CCDC138: variants seen among roughly 807,000 people sequenced by gnomAD.
CCDC138 encodes coiled-coil domain containing 138, also known as coiled-coil domain-containing protein 138.
CCDC138 carries 66 observed loss-of-function variants against 82.3 expected under a neutral mutation model. The ratio of observed to expected loss-of-function variants is 0.80; its 90% CI spans 0.66 to 0.98. The LOEUF (loss-of-function observed/expected upper bound fraction) is 0.98. Among genes scored for constraint, CCDC138 ranks in the 50% least tolerant of loss-of-function variants. The pLI is 0.00. For missense variants in CCDC138, 816 were observed against 758.9 expected (o/e 1.08, Z -0.88); for synonymous variants, 297 against 265.4 (o/e 1.12, Z -1.16).
At chr2:108,858,662 A>G (rs938977744) in intron 13 of CCDC138, among the ~76,000 whole-genome samples, 2 of 150,564 alleles carry the variant, frequency 1.3e-5, no homozygotes, top group African/African-American at 4.9e-5. Context: ...TTGGAAACCC[A>G]TTTTACCATA....
intron 7 of CCDC138, 38 bp downstream of exon 7, chr2:108,805,046 T>C (rs1682631341): frequency 1.8e-6 from 2 of 1,132,072 alleles, no homozygotes; most frequent in Non-Finnish European, 2.4e-6. Context: ...CATAAGACAT[T>C]CTAAGAAGTA....
At chr2:108,796,924 TTAATGA>T (rs1681013930) in intron 5 of CCDC138, among the ~76,000 whole-genome samples, 3 of 152,174 alleles carry the variant, frequency 2.0e-5, no homozygotes, top group African/African-American at 7.2e-5. Flanking sequence ...GAAATTATAG[TTAATGA>T]TAATTTATTG....
At chr2:108,835,923 G>C (rs933124354) in intron 10 of CCDC138, among the ~76,000 whole-genome samples, 1 of 152,148 alleles carries the variant, frequency 6.6e-6, no homozygotes, top group Non-Finnish European at 1.5e-5. Flanking sequence ...CAGGGCAGAA[G>C]AGCAAAAACA....
At chr2:108,836,685 A>G (rs1688628140) in intron 10 of CCDC138, among the ~76,000 whole-genome samples, 1 of 152,214 alleles carries the variant, frequency 6.6e-6, no homozygotes, top group Non-Finnish European at 1.5e-5. Flanking sequence ...CATGTTTTCT[A>G]ACCCATGAAC....
At chr2:108,816,548 T>G (rs1684842792) in intron 10 of CCDC138, among the ~76,000 whole-genome samples, 1 of 50,138 alleles carries the variant, frequency 2.0e-5, no homozygotes, top group Non-Finnish European at 4.6e-5. Flanking sequence ...GGGTATCACA[T>G]GGCTGGGGGC....
chr2:108,804,174 T>C (rs1682456878), intron 6 of CCDC138, among the ~76,000 whole-genome samples: 1 of 152,166 alleles, frequency 6.6e-6, no homozygotes, highest in Admixed American at 6.5e-5. Flanking sequence ...AGGGAATTAA[T>C]TCAATTTTTT....
chr2:108,802,502 T>C (rs1330627181), intron 6 of CCDC138, among the ~76,000 whole-genome samples: 1 of 145,690 alleles, frequency 6.9e-6, no homozygotes. Context: ...TTTGCTGAAG[T>C]TGCTTATCAG....
intron 11 of CCDC138, among the ~76,000 whole-genome samples, chr2:108,843,108 T>C (rs556648303): frequency 6.6e-6 from 1 of 151,804 alleles, no homozygotes; most frequent in East Asian, 1.9e-4. Flanking sequence ...TCTTTCATTA[T>C]ATCCTATCTA....
chr2:108,864,498 C>CA (rs893954365), intron 13 of CCDC138, among the ~76,000 whole-genome samples: 1 of 151,068 alleles, frequency 6.6e-6, no homozygotes, highest in African/African-American at 2.4e-5. Flanking sequence ...CCCATCTCTA[C>CA]AAAAAAATTA....
chr2:108,851,426 C>T (rs1195224873), intron 12 of CCDC138, among the ~76,000 whole-genome samples: 1 of 152,028 alleles, frequency 6.6e-6, no homozygotes, highest in Non-Finnish European at 1.5e-5. Flanking sequence ...CTCAGCCTCC[C>T]GAGTAGCTGG....
chr2:108,823,315 A>C (rs773553406), intron 10 of CCDC138, among the ~76,000 whole-genome samples: 5 of 152,188 alleles, frequency 3.3e-5, no homozygotes, highest in African/African-American at 7.2e-5. Flanking sequence ...CCTGATACCA[A>C]AGCTAGACAA....
intron 13 of CCDC138, among the ~76,000 whole-genome samples, chr2:108,858,049 T>TACTCTCAA (rs1692912013): frequency 6.6e-6 from 1 of 152,198 alleles, no homozygotes; most frequent in Admixed American, 6.5e-5. Context: ...TTGTCCAGGT[T>TACTCTCAA]ACTCTCAAAT....
intron 10 of CCDC138, among the ~76,000 whole-genome samples, chr2:108,821,893 G>A (rs1482732425): frequency 4.1e-5 from 6 of 144,624 alleles, no homozygotes; most frequent in East Asian, 2.0e-4. Context: ...GTGCCACTGC[G>A]CTCCAGCATG....
chr2:108,796,472 A>C (rs1260111588), intron 5 of CCDC138, among the ~76,000 whole-genome samples: 1 of 151,932 alleles, frequency 6.6e-6, no homozygotes, highest in African/African-American at 2.4e-5. Context: ...CAGCAATCCC[A>C]CTCCTGGGTA....
At chr2:108,877,894 A>C (rs748258423), downstream of CCDC138, among the ~76,000 whole-genome samples, 1 of 152,190 alleles carries the variant, frequency 6.6e-6, no homozygotes, top group Non-Finnish European at 1.5e-5. Context: ...ACTTAGAAGA[A>C]AGGAAAAACC....
At chr2:108,847,621 T>G (rs935805253) in intron 12 of CCDC138, among the ~76,000 whole-genome samples, 1 of 152,218 alleles carries the variant, frequency 6.6e-6, no homozygotes, top group Non-Finnish European at 1.5e-5. Flanking sequence ...CAGGTTATAT[T>G]ATTAAATGTG....
chr2:108,842,790 A>G (rs1479404633), intron 11 of CCDC138, among the ~76,000 whole-genome samples: 1 of 152,220 alleles, frequency 6.6e-6, no homozygotes, highest in Non-Finnish European at 1.5e-5. Context: ...AAAAAGTCCA[A>G]CTTACATTTA....
intron 13 of CCDC138, among the ~76,000 whole-genome samples, chr2:108,862,050 C>T (rs1407327253): frequency 6.8e-6 from 1 of 147,614 alleles, no homozygotes; most frequent in Non-Finnish European, 1.5e-5. Context: ...TCCACTATGG[C>T]CCAAGAGGAT....
At chr2:108,811,745 A>G (rs184361064) in intron 7 of CCDC138, among the ~76,000 whole-genome samples, 9 of 151,960 alleles carry the variant, frequency 5.9e-5, no homozygotes, top group Admixed American at 4.6e-4. Flanking sequence ...CAGTAGGTTA[A>G]TTTTCAACCC....
Sources: allele counts gnomAD v4.1 joint callset (sites outside exome capture counted in the v4.1 genomes callset), GRCh38; gene constraint gnomAD v4.1.1; transcripts MANE v1.5; gene names NCBI Gene and HGNC (gene_info 2026-07-23, HGNC 2026-07-21).